Variants in WDR62 observed in about 807,000 individuals in gnomAD.
The protein encoded by WDR62 is WD repeat-containing protein 62.
WDR62 carries 112 observed loss-of-function variants against 160.6 expected under a neutral mutation model. That is an observed-to-expected ratio of 0.70 (90% CI 0.60 to 0.82). WDR62 has a LOEUF of 0.82. Ranked by LOEUF, WDR62 falls within the 40% of genes least tolerant of loss-of-function variation. WDR62 has a pLI of 0.00. For missense variants in WDR62, 1,819 were observed against 1,983.8 expected (o/e 0.92, Z 1.58); for synonymous variants, 792 against 815.1 (o/e 0.97, Z 0.48).
At chr19:36,074,593 G>T (rs550043733) in intron 9 of WDR62, among the ~76,000 whole-genome samples, 2 of 152,304 alleles carry the variant, frequency 1.3e-5, no homozygotes, top group African/African-American at 4.8e-5. Flanking sequence ...GGGAATGTTT[G>T]TCCTAGAGAA....
rs374124447 is a variant in WDR62, at chr19:36,084,762, G to T, written c.1642+18G>T. The T allele has an allele frequency of 3.5e-4, 568 of 1,610,760 alleles. 1 individual carries two copies. Among genetic ancestry groups the T allele is most frequent in the Non-Finnish European group, 4.1e-4 (483 of 1,179,086 alleles). On this transcript the variant is annotated intron_variant, in intron 12 of 31. Coordinates refer to ENST00000401500, the MANE Select transcript of WDR62 (RefSeq NM_001083961.2). ...AGAGACGGGTGAGCCCGCAGCAGGG[G>T]TGGAATGGGGGTCAGGCAGGGAGGC...
In WDR62 at chr19:36,102,725, A is replaced by G; in HGVS notation, c.3221-12A>G. The G allele has an allele frequency of 6.2e-7, 1 of 1,613,286 alleles. No homozygotes were observed. The highest frequency in any genetic ancestry group is 1.1e-5 in the South Asian group (1 of 91,052). On this transcript the variant is annotated splice_polypyrimidine_tract_variant and intron_variant, in intron 26 of 31. Transcript: ENST00000401500. ...GAAGGGTTATGAGGGTCCCCTCGGG[A>G]TCTTCCCCTAGAGCTCTTCCCCGCA...
chr19:36,066,130 A>G, intron 4 of WDR62, 115 bp downstream of exon 4: 1 of 1,575,802 alleles, frequency 6.3e-7, no homozygotes, highest in Non-Finnish European at 8.7e-7. Context: ...GGGCCAGAAC[A>G]GCCCTGTAGC....
intron 20 of WDR62, among the ~76,000 whole-genome samples, 173 bp from the exon 21 acceptor site, chr19:36,096,854 G>T (rs368907363): frequency 2.6e-5 from 4 of 152,160 alleles, no homozygotes; most frequent in Admixed American, 6.5e-5. Flanking sequence ...GGTCAGTCTC[G>T]TGAGTCAAAT....
chr19:36,091,326 C>T lies in WDR62; in HGVS notation c.2146+15C>T. The T allele has an allele frequency of 6.2e-7, 1 of 1,613,656 alleles. No homozygotes were observed. Among genetic ancestry groups the T allele is most frequent in the Non-Finnish European group, 8.5e-7 (1 of 1,179,622 alleles). Reference sequence around the variant, plus strand: ...TGGCCATTCAGGTGGGTGTGCCTCTCTGCTTGGGATGCCTCCCCACCCGCC... The same window carrying T: ...TGGCCATTCAGGTGGGTGTGCCTCTTTGCTTGGGATGCCTCCCCACCCGCC... On this transcript the variant is annotated intron_variant, in intron 17 of 31. Transcript: ENST00000401500.
chr19:36,069,640 G>A (rs1457755770), intron 7 of WDR62, among the ~76,000 whole-genome samples: 1 of 152,240 alleles, frequency 6.6e-6, no homozygotes, highest in Non-Finnish European at 1.5e-5. Context: ...CAAGGCAGGC[G>A]GCTGGGAGGT....
chr19:36,099,596 C>G lies in WDR62; in HGVS notation c.2718C>G (p.Ser906Arg), dbSNP rs1210992966. The change falls in exon 22 of 32, where the codon AGC becomes AGG. Residue 906 changes from serine (S) to arginine (R), a missense_variant. Coordinates refer to ENST00000401500, the MANE Select transcript of WDR62 (RefSeq NM_001083961.2). ...NSILDSLEPQSLASLLSESES... is the reference protein window; with the variant it reads ...NSILDSLEPQRLASLLSESES... ...TTCTGGATTCACTGGAGCCACAGAG[C>G]CTGGCCAGCCTGCTGAGTGAGGTAC... The G allele has an allele frequency of 1.2e-6, 2 of 1,614,192 alleles. No individual in the cohort carries two copies. Among genetic ancestry groups the G allele is most frequent in the African/African-American group, 2.7e-5 (2 of 75,074 alleles).
At chr19:36,082,479 TAA>T (rs997885477) in intron 10 of WDR62, among the ~76,000 whole-genome samples, 11 of 152,258 alleles carry the variant, frequency 7.2e-5, no homozygotes, top group African/African-American at 2.2e-4. Context: ...TGATTGGAAC[TAA>T]AAAGACCCTC....
At chr19:36,110,546 C>A in the WDR62 span, among the ~76,000 whole-genome samples, 415 of 152,216 alleles carry the variant, frequency 2.7e-3, 1 homozygote, top group Admixed American at 4.6e-3. Context: ...TTGTCCCAGG[C>A]AGTAACTAGG....
chr19:36,072,755 G>C (rs1971365959), intron 8 of WDR62, among the ~76,000 whole-genome samples: 1 of 152,188 alleles, frequency 6.6e-6, no homozygotes, highest in Admixed American at 6.5e-5. Flanking sequence ...CAGCTCTGCT[G>C]TCTTCTGTTG....
chr19:36,086,159 G>A (rs915727352), intron 12 of WDR62, among the ~76,000 whole-genome samples: 4 of 152,016 alleles, frequency 2.6e-5, no homozygotes, highest in African/African-American at 4.8e-5. Flanking sequence ...TCTTCACTCG[G>A]TTCGCCTCTC....
rs773932461 is a variant in WDR62, at chr19:36,067,321, G to A, written c.577G>A (p.Ala193Thr). The change falls in exon 6 of 32, where the codon GCC becomes ACC. Residue 193 changes from alanine to threonine, a missense_variant. Transcript: ENST00000401500. ...VWDWKKDIVV[A>T]SNKVSCRVIA... Reference sequence around the variant, plus strand: ...ATTCTTCCAGAAAGACATCGTAGTGGCCTCCAACAAGGTATCTTGTAGAGT... The same window carrying A: ...ATTCTTCCAGAAAGACATCGTAGTGACCTCCAACAAGGTATCTTGTAGAGT... 13 of 1,614,178 alleles carry A rather than the reference G, an allele frequency of 8.1e-6. No individual in the cohort carries two copies. Among genetic ancestry groups the A allele is most frequent in the Non-Finnish European group, 1.1e-5 (13 of 1,180,036 alleles).
At chr19:36,055,233 T>A in intron 1 of WDR62, 85 bp downstream of exon 1, 2 of 1,473,594 alleles carry the variant, frequency 1.4e-6, no homozygotes, top group Non-Finnish European at 1.8e-6. Flanking sequence ...GGCCCCGACA[T>A]CAGCCCCCGG....
chr19:36,064,160 G>A (rs369391712), intron 3 of WDR62, among the ~76,000 whole-genome samples: 4 of 152,162 alleles, frequency 2.6e-5, no homozygotes, highest in East Asian at 3.9e-4. Context: ...AGGTGGCTAC[G>A]GGCAACAGAA....
chr19:36,101,862 G>A, intron 25 of WDR62, 88 bp downstream of exon 25: 1 of 1,503,546 alleles, frequency 6.7e-7, no homozygotes, highest in Non-Finnish European at 9.1e-7. Flanking sequence ...CCTGCACTTG[G>A]AGCCCACTGA....
At position 36,083,189 on chromosome 19, in the gene WDR62, G is replaced by A; in HGVS notation, c.1498G>A (p.Val500Ile). 2 of 1,611,438 alleles carry A rather than the reference G, an allele frequency of 1.2e-6. No individual in the cohort carries two copies. The highest frequency in any genetic ancestry group is 1.7e-6 in the Non-Finnish European group (2 of 1,178,682). Reference protein sequence around the residue: ...DVKAGVRVMQVSPDGQHLASG... With the variant: ...DVKAGVRVMQISPDGQHLASG... ...GAAAGCCGGGGTGCGGGTCATGCAG[G>A]TCAGTCCTGACGGCCAGCATTTGGC... Residue 500 changes from valine (V) to isoleucine (I), a missense_variant, in exon 11 of 32, where the codon GTC (valine) becomes ATC (isoleucine). This residue lies in a region of WDR62 where 934 missense variants were observed against 1,157.2 expected (regional missense o/e 0.81). Coordinates refer to ENST00000401500, the MANE Select transcript of WDR62 (RefSeq NM_001083961.2).
downstream of WDR62, among the ~76,000 whole-genome samples, chr19:36,105,534 G>A (rs888603792): frequency 1.3e-5 from 2 of 151,640 alleles, no homozygotes; most frequent in African/African-American, 4.8e-5. Context: ...TGCAACAGGG[G>A]AAACTGAGGA....
chr19:36,058,782 G>C lies in WDR62; in HGVS notation c.180G>C (p.Val60=). The change falls in exon 2 of 32, where the codon GTG becomes GTC. Residue 60 remains valine (V), a splice_region_variant and synonymous_variant. Transcript: ENST00000401500. The part of the protein sequence containing the change: ...TASEETVQNR[V]SLEKVLGITA... ...TGACTTGGGCTTTTTCTTTGCAGGTGTCACTCGAGAAGGTGCTTGGCATCA... is the reference window on the plus strand; with the variant it reads ...TGACTTGGGCTTTTTCTTTGCAGGTCTCACTCGAGAAGGTGCTTGGCATCA... The C allele has an allele frequency of 6.2e-7, 1 of 1,613,950 alleles. No homozygotes were observed. The highest frequency in any genetic ancestry group is 8.5e-7 in the Non-Finnish European group (1 of 1,179,922).
intron 9 of WDR62, among the ~76,000 whole-genome samples, chr19:36,080,012 T>C (rs546788935): frequency 7.2e-5 from 11 of 152,330 alleles, no homozygotes; most frequent in Middle Eastern, 3.4e-3. Context: ...TCTTTGTCCT[T>C]CTCAGCTTCA....
Sources: gnomAD v4.1 joint callset for allele counts (sites outside exome capture counted in the v4.1 genomes callset) on GRCh38, gnomAD v4.1.1 for gene constraint, gnomAD v4.1.1 regional missense constraint, MANE v1.5 for transcripts, NCBI Gene and HGNC (gene_info 2026-07-23, HGNC 2026-07-21) for gene names.